HSPA12A: variants seen among roughly 807,000 people sequenced by gnomAD.
HSPA12A encodes the protein heat shock 70 kDa protein 12A.
In HSPA12A, 28 loss-of-function variants were observed where a neutral mutation model predicts 69.2. That is an observed-to-expected ratio of 0.40 (90% CI 0.30 to 0.55). The LOEUF (loss-of-function observed/expected upper bound fraction) is 0.55, where lower values mean the gene tolerates loss of function less well. HSPA12A is among the 20% of genes least tolerant of loss of function. The pLI is 0.38. For missense variants in HSPA12A, 686 were observed against 900.7 expected (o/e 0.76, Z 3.05); for synonymous variants, 345 against 370.5 (o/e 0.93, Z 0.79).
chr10:116,788,170 C>G (rs1033836162), intron 2 of HSPA12A, among the ~76,000 whole-genome samples: 1 of 152,206 alleles, frequency 6.6e-6, no homozygotes, highest in Non-Finnish European at 1.5e-5. Context: ...GACCAAAGCA[C>G]ATCCTGCAAA....
intron 2 of HSPA12A, among the ~76,000 whole-genome samples, chr10:116,762,268 A>C (rs1256370086): frequency 6.6e-6 from 1 of 152,070 alleles, no homozygotes; most frequent in Non-Finnish European, 1.5e-5. Flanking sequence ...GTCACTTCCC[A>C]CCTGGATGAC....
At chr10:116,688,914 G>T (rs1269078846) in intron 6 of HSPA12A, among the ~76,000 whole-genome samples, 3 of 152,214 alleles carry the variant, frequency 2.0e-5, no homozygotes, top group African/African-American at 7.2e-5. Flanking sequence ...GGCCTCAGAA[G>T]AGGGATCAGC....
intron 8 of HSPA12A, 109 bp downstream of exon 8, chr10:116,681,682 C>G: frequency 1.1e-6 from 1 of 894,040 alleles, no homozygotes; most frequent in South Asian, 1.6e-5. Context: ...TCTTTAGAAC[C>G]CACTGAGTTT....
chr10:116,727,936 G>A (rs1245353766), intron 1 of HSPA12A, among the ~76,000 whole-genome samples: 6 of 151,260 alleles, frequency 4.0e-5, no homozygotes, highest in African/African-American at 1.5e-4. Flanking sequence ...TTTTTTGGGG[G>A]GGGGACAGAG....
rs1849171745 is a variant in HSPA12A at position 116,674,649 on chromosome 10, T to C, written c.*132A>G. 1.1e-6 allele frequency: 1 copy of C among 870,334 alleles called. No individual in the cohort carries two copies. Among genetic ancestry groups the C allele is most frequent in the African/African-American group, 1.7e-5 (1 of 59,902 alleles). 53.9% of individuals were successfully genotyped at this position (870,334 alleles called of 1,614,324 possible). The stretch of plus-strand genomic sequence containing the variant: ...AGTCACTAATTATTTCTAGCCCTGA[T>C]TGTTCTCATCTTCCCTGCTGAAATT... On this transcript the variant is annotated 3_prime_UTR_variant, in exon 12 of 12. Coordinates refer to ENST00000369209, the MANE Select transcript of HSPA12A (RefSeq NM_025015.3).
intron 2 of HSPA12A, among the ~76,000 whole-genome samples, chr10:116,749,194 C>G (rs149623129): frequency 6.6e-5 from 10 of 152,280 alleles, no homozygotes; most frequent in Middle Eastern, 3.4e-3. Flanking sequence ...AGCCCATAGC[C>G]CAGTGCCGAA....
chr10:116,702,224 G>A (rs1165414925), intron 3 of HSPA12A, among the ~76,000 whole-genome samples: 1 of 152,210 alleles, frequency 6.6e-6, no homozygotes, highest in African/African-American at 2.4e-5. Flanking sequence ...GGCCACTGCA[G>A]AGAGGCCAGG....
At chr10:116,727,082 T>C (rs1230670180) in intron 1 of HSPA12A, among the ~76,000 whole-genome samples, 3 of 152,268 alleles carry the variant, frequency 2.0e-5, no homozygotes, top group African/African-American at 7.2e-5. Flanking sequence ...AAACCTATCA[T>C]CTGCTACTAT....
chr10:116,814,168 T>C (rs151248226), intron 2 of HSPA12A, among the ~76,000 whole-genome samples: 112 of 152,314 alleles, frequency 7.4e-4, no homozygotes, highest in Non-Finnish European at 1.3e-3. Context: ...AACTGAAAAC[T>C]AGAATAACTA....
chr10:116,786,231 T>TTAAAA (rs1844574291), intron 2 of HSPA12A, among the ~76,000 whole-genome samples: 1 of 152,222 alleles, frequency 6.6e-6, no homozygotes, highest in Non-Finnish European at 1.5e-5. Flanking sequence ...TAAATACTTC[T>TTAAAA]TAAAATAGAC....
At chr10:116,765,454 GGGACCA>G (rs1302339861) in intron 2 of HSPA12A, among the ~76,000 whole-genome samples, 34 of 152,162 alleles carry the variant, frequency 2.2e-4, no homozygotes, top group African/African-American at 7.5e-4. Flanking sequence ...GGCCAAATCC[GGGACCA>G]TAGGAGGGGG....
At chr10:116,677,964 C>A (rs185953754) in intron 10 of HSPA12A, among the ~76,000 whole-genome samples, 1 of 149,542 alleles carries the variant, frequency 6.7e-6, no homozygotes, top group Non-Finnish European at 1.5e-5. Context: ...GCTACTTTGG[C>A]GGATACTAGG....
intron 2 of HSPA12A, among the ~76,000 whole-genome samples, chr10:116,786,490 T>C (rs1006588544): frequency 6.6e-6 from 1 of 152,188 alleles, no homozygotes; most frequent in South Asian, 2.1e-4. Context: ...AAGGGATCCA[T>C]GATCTAAGAA....
chr10:116,671,885 C>T lies in HSPA12A; in HGVS notation c.*2896G>A, dbSNP rs1332703425. 2 of 152,532 alleles carry T rather than the reference C, an allele frequency of 1.3e-5. No homozygotes were observed. The highest frequency in any genetic ancestry group is 4.8e-5 in the African/African-American group (2 of 41,432). The allele number at this position is 152,532 out of a possible 1,614,324, so 9.4% of individuals were successfully genotyped here. On this transcript the variant is annotated 3_prime_UTR_variant, in exon 12 of 12. Transcript: ENST00000369209. The stretch of plus-strand genomic sequence containing the variant: ...TGTTCAAGTGTACTTATCCAGTGCT[C>T]TTATTCTAGAATATTCCAGTGGGGG...
chr10:116,849,320 G>A (rs1467898030), intron 1 of HSPA12A, among the ~76,000 whole-genome samples: 1 of 152,202 alleles, frequency 6.6e-6, no homozygotes, highest in African/African-American at 2.4e-5. Flanking sequence ...AGCCGGGAGG[G>A]CCCTAGTCTC....
intron 1 of HSPA12A, among the ~76,000 whole-genome samples, chr10:116,846,248 C>T (rs1400009466): frequency 1.3e-5 from 2 of 151,846 alleles, no homozygotes; most frequent in African/African-American, 4.8e-5. Flanking sequence ...TAATTGAGTT[C>T]CTAAAACTTT....
chr10:116,797,808 C>T (rs1423943528), intron 2 of HSPA12A, among the ~76,000 whole-genome samples: 2 of 152,026 alleles, frequency 1.3e-5, no homozygotes, highest in African/African-American at 4.8e-5. Context: ...GGCAGTGCAA[C>T]AGGAACACAC....
chr10:116,741,329 G>T (rs1554887120), intron 1 of HSPA12A, among the ~76,000 whole-genome samples: 1 of 152,252 alleles, frequency 6.6e-6, no homozygotes, highest in East Asian at 1.9e-4. Flanking sequence ...TGCTGCCACT[G>T]GACTCAGTTT....
At chr10:116,755,625 A>AAG (rs1287816970) in intron 2 of HSPA12A, among the ~76,000 whole-genome samples, 8 of 151,114 alleles carry the variant, frequency 5.3e-5, no homozygotes, top group Non-Finnish European at 1.0e-4. Flanking sequence ...AAAAAAAAAA[A>AAG]AAAAAAAGGT....
Sources: allele counts gnomAD v4.1 joint callset (sites outside exome capture counted in the v4.1 genomes callset), GRCh38; gene constraint gnomAD v4.1.1; transcripts MANE v1.5; gene names NCBI Gene and HGNC (gene_info 2026-07-23, HGNC 2026-07-21).